The following ULK4 variants were observed in gnomAD, a reference collection of about 807,000 sequenced individuals.
The protein encoded by ULK4 is inactive serine/threonine-protein kinase ULK4.
ULK4 carries 133 observed loss-of-function variants against 160.6 expected under a neutral mutation model. The observed-to-expected ratio is 0.83, with a 90% confidence interval of 0.72 to 0.96. The LOEUF (loss-of-function observed/expected upper bound fraction) is 0.96, where lower values mean the gene tolerates loss of function less well. ULK4 is among the 40% of genes least tolerant of loss of function. The pLI, the probability that ULK4 is intolerant of heterozygous loss-of-function variation, is 0.00. For missense variants in ULK4, 1,580 were observed against 1,499.5 expected (o/e 1.05, Z -0.89); for synonymous variants, 534 against 539.8 (o/e 0.99, Z 0.15).
At chr3:41,940,538 T>C (rs1477401521) in intron 2 of ULK4, among the ~76,000 whole-genome samples, 2 of 151,986 alleles carry the variant, frequency 1.3e-5, no homozygotes, top group Non-Finnish European at 2.9e-5. Context: ...GATGCATACC[T>C]GGGATGCTAC....
intron 18 of ULK4, among the ~76,000 whole-genome samples, chr3:41,831,616 T>G (rs2041593258): frequency 6.6e-6 from 1 of 151,442 alleles, no homozygotes; most frequent in Non-Finnish European, 1.5e-5. Context: ...TGTGCCAGAG[T>G]GGTTTGTTGT....
At chr3:41,383,846 T>C (rs559062743) in intron 35 of ULK4, among the ~76,000 whole-genome samples, 1 of 152,332 alleles carries the variant, frequency 6.6e-6, no homozygotes, top group South Asian at 2.1e-4. Context: ...TCAGCAACTC[T>C]TCTCCCTTTT....
intron 22 of ULK4, among the ~76,000 whole-genome samples, chr3:41,739,820 G>T (rs1182891038): frequency 6.6e-6 from 1 of 151,816 alleles, no homozygotes; most frequent in South Asian, 2.1e-4. Context: ...CTCTGCAAGG[G>T]CTCAGCAAAA....
At chr3:41,516,951 CCTA>C (rs773212724) in intron 32 of ULK4, among the ~76,000 whole-genome samples, 8 of 152,068 alleles carry the variant, frequency 5.3e-5, no homozygotes, top group Non-Finnish European at 1.2e-4. Flanking sequence ...AATATATACA[CCTA>C]CTATGTACCC....
At chr3:41,831,857 T>G (rs1263020794) in intron 18 of ULK4, among the ~76,000 whole-genome samples, 2 of 152,148 alleles carry the variant, frequency 1.3e-5, no homozygotes, top group African/African-American at 4.8e-5. Context: ...GCTTCACCCA[T>G]GGCCCTGCAA....
chr3:41,896,390 G>T (rs748197170), intron 15 of ULK4, among the ~76,000 whole-genome samples: 1 of 152,088 alleles, frequency 6.6e-6, no homozygotes, highest in Non-Finnish European at 1.5e-5. Context: ...AAGTAGCTGG[G>T]ATTACAGGAG....
chr3:41,371,779 T>C (rs2081373402), intron 35 of ULK4, among the ~76,000 whole-genome samples: 1 of 151,904 alleles, frequency 6.6e-6, no homozygotes, highest in African/African-American at 2.4e-5. Flanking sequence ...GAAACAAAAC[T>C]GGATGGAGAA....
At chr3:41,499,657 T>C (rs2085118476) in intron 32 of ULK4, among the ~76,000 whole-genome samples, 1 of 152,158 alleles carries the variant, frequency 6.6e-6, no homozygotes, top group African/African-American at 2.4e-5. Context: ...AAATTTGAAT[T>C]AATATATCAA....
chr3:41,555,327 A>T (rs2087249342), intron 32 of ULK4, among the ~76,000 whole-genome samples: 1 of 152,004 alleles, frequency 6.6e-6, no homozygotes. Flanking sequence ...TACAAAAAAA[A>T]AAAGCAATCC....
chr3:41,859,747 T>C (rs1315627509), intron 17 of ULK4, among the ~76,000 whole-genome samples: 1 of 151,080 alleles, frequency 6.6e-6, no homozygotes, highest in Non-Finnish European at 1.5e-5. Flanking sequence ...AACCTCCACC[T>C]CCCAGGTTCA....
intron 34 of ULK4, among the ~76,000 whole-genome samples, chr3:41,426,264 C>T (rs1279022531): frequency 6.6e-6 from 1 of 152,092 alleles, no homozygotes; most frequent in Non-Finnish European, 1.5e-5. Flanking sequence ...ACAGGAGAAC[C>T]CAGATTCATA....
rs111914961 is a variant in ULK4 at position 41,790,938 on chromosome 3, T to C, written c.2011-1095A>G. 9.5e-3 allele frequency among the ~76,000 whole-genome samples: 1,453 copies of C among 152,292 alleles called. 5 individuals are homozygous for C. The highest frequency in any genetic ancestry group is 0.016 in the Non-Finnish European group (1,094 of 68,016). On this transcript the variant is annotated intron_variant, in intron 20 of 36. Transcript: ENST00000301831. ...AGTTTTATAAAAATACTCATTATAATATCATATAAGCTCCTTCTCCCTGAT... is the reference window on the plus strand; with the variant it reads ...AGTTTTATAAAAATACTCATTATAACATCATATAAGCTCCTTCTCCCTGAT...
intron 34 of ULK4, among the ~76,000 whole-genome samples, chr3:41,429,623 G>T (rs1315786089): frequency 6.6e-6 from 1 of 152,016 alleles, no homozygotes; most frequent in Non-Finnish European, 1.5e-5. Flanking sequence ...ATTATCCTCG[G>T]CAAACTAATG....
rs1219276060 is a variant in ULK4 at position 41,886,011 on chromosome 3, G to A, written c.1578-2059C>T. ...TACTTTAAAAATTACCCCCACAGCT[G>A]AGGGTGAGGGAGACAGTACCCTGGG... On this transcript the variant is annotated intron_variant, in intron 16 of 36. Coordinates refer to ENST00000301831, the MANE Select transcript of ULK4 (RefSeq NM_017886.4). 8.5e-5 allele frequency among the ~76,000 whole-genome samples: 13 copies of A among 152,100 alleles called. No individual in the cohort carries two copies. In the East Asian group the frequency reaches 2.5e-3, roughly 29 times the overall value.
chr3:41,675,353 G>C (rs1035902591), intron 29 of ULK4, among the ~76,000 whole-genome samples: 37 of 151,836 alleles, frequency 2.4e-4, no homozygotes, highest in African/African-American at 9.0e-4. Context: ...ACTTTAGAAG[G>C]CAGAGGCGGG....
chr3:41,409,803 G>T (rs1388970829), intron 34 of ULK4, among the ~76,000 whole-genome samples: 1 of 151,964 alleles, frequency 6.6e-6, no homozygotes. Flanking sequence ...ACAAAAATTA[G>T]CCAGGCATGG....
At chr3:41,400,704 G>A (rs2082160548) in intron 34 of ULK4, among the ~76,000 whole-genome samples, 1 of 152,144 alleles carries the variant, frequency 6.6e-6, no homozygotes, top group Admixed American at 6.5e-5. Context: ...TACAATGGCT[G>A]GGTTGTATGG....
chr3:41,757,597 A>G (rs1193185596), intron 21 of ULK4, among the ~76,000 whole-genome samples: 1 of 137,504 alleles, frequency 7.3e-6, no homozygotes, highest in African/African-American at 2.9e-5. Flanking sequence ...GTGCCACTAC[A>G]CTCCAGCCTG....
At chr3:41,548,080 G>A (rs2125961601) in intron 32 of ULK4, among the ~76,000 whole-genome samples, 1 of 152,248 alleles carries the variant, frequency 6.6e-6, no homozygotes, top group Non-Finnish European at 1.5e-5. Flanking sequence ...CAGGACTTGA[G>A]GATGGGCTCA....
Sources: allele counts gnomAD v4.1 joint callset (sites outside exome capture counted in the v4.1 genomes callset), GRCh38; gene constraint gnomAD v4.1.1; transcripts MANE v1.5; gene names NCBI Gene and HGNC (gene_info 2026-07-23, HGNC 2026-07-21).